Variants in PPP1R14C observed in about 807,000 individuals in gnomAD.
PPP1R14C encodes the protein protein phosphatase 1 regulatory subunit 14C.
A neutral mutation model predicts 20.4 loss-of-function variants in PPP1R14C; 16 were observed. The ratio of observed to expected loss-of-function variants is 0.78; its 90% confidence interval spans 0.53 to 1.19. The LOEUF (loss-of-function observed/expected upper bound fraction) is 1.19. Ranked by LOEUF, PPP1R14C falls within the 50% of genes most tolerant of loss-of-function variation. The pLI, the probability that PPP1R14C is intolerant of heterozygous loss-of-function variation, is 0.00. For missense variants in PPP1R14C, 211 were observed against 220.1 expected (o/e 0.96, Z 0.26); for synonymous variants, 91 against 91.0 (o/e 1.00, Z 0.00).
intron 1 of PPP1R14C, among the ~76,000 whole-genome samples, chr6:150,190,258 T>G (rs993586370): frequency 6.6e-6 from 1 of 152,086 alleles, no homozygotes; most frequent in African/African-American, 2.4e-5. Context: ...TGTCTCCACC[T>G]GAACACTTAG....
intron 1 of PPP1R14C, among the ~76,000 whole-genome samples, chr6:150,175,976 A>G (rs921139778): frequency 1.3e-5 from 2 of 152,228 alleles, no homozygotes; most frequent in African/African-American, 4.8e-5. Context: ...TAAACCGGCC[A>G]CACCTGTCAT....
chr6:150,238,478 C>T (rs1778392531), intron 3 of PPP1R14C, among the ~76,000 whole-genome samples: 1 of 152,256 alleles, frequency 6.6e-6, no homozygotes, highest in Non-Finnish European at 1.5e-5. Flanking sequence ...TCTTTCGAGG[C>T]CTCTCAGAGC....
rs980091394 is a variant in PPP1R14C, at chr6:150,171,340, A to G, written c.306+27842A>G. ...CTCCATTCAGCACACCATTGTACATACCTAATATCTTATAGTTGAGGGATT... is the reference window on the plus strand; with the variant it reads ...CTCCATTCAGCACACCATTGTACATGCCTAATATCTTATAGTTGAGGGATT... On this transcript the variant is annotated intron_variant, in intron 1 of 3. Transcript: ENST00000361131. 5.9e-5 allele frequency among the ~76,000 whole-genome samples: 9 copies of G among 152,298 alleles called. No homozygotes were observed. In the South Asian group the frequency reaches 1.9e-3, roughly 32 times the overall value.
chr6:150,213,346 A>C (rs78841047), intron 1 of PPP1R14C, among the ~76,000 whole-genome samples: 2,120 of 149,480 alleles, frequency 0.014, 152 homozygotes, highest in Admixed American at 0.036. Flanking sequence ...TTTGTGTTGT[A>C]ACACACACAC....
intron 3 of PPP1R14C, among the ~76,000 whole-genome samples, chr6:150,223,305 A>G (rs1299701399): frequency 6.6e-6 from 1 of 152,222 alleles, no homozygotes; most frequent in Non-Finnish European, 1.5e-5. Context: ...AAGCTGCTAT[A>G]AACATTCCTG....
intron 1 of PPP1R14C, among the ~76,000 whole-genome samples, chr6:150,154,586 A>T (rs1203223829): frequency 6.6e-6 from 1 of 152,220 alleles, no homozygotes; most frequent in African/African-American, 2.4e-5. Flanking sequence ...AGAAAGGGTG[A>T]TATTGAAAGC....
At chr6:150,212,850 A>G (rs933313653) in intron 1 of PPP1R14C, among the ~76,000 whole-genome samples, 2 of 152,206 alleles carry the variant, frequency 1.3e-5, no homozygotes, top group Non-Finnish European at 2.9e-5. Flanking sequence ...CCTAGGAGCA[A>G]TATAGGCTGT....
intron 3 of PPP1R14C, among the ~76,000 whole-genome samples, chr6:150,231,104 CTG>C (rs1778289318): frequency 6.6e-6 from 1 of 152,206 alleles, no homozygotes; most frequent in Non-Finnish European, 1.5e-5. Flanking sequence ...AGGGTGGCCA[CTG>C]TGATACCACG....
chr6:150,197,538 T>C (rs562012356), intron 1 of PPP1R14C, among the ~76,000 whole-genome samples: 126 of 152,372 alleles, frequency 8.3e-4, no homozygotes, highest in African/African-American at 2.8e-3. Flanking sequence ...TGCTTTAAGA[T>C]TGGCACATTG....
intron 3 of PPP1R14C, among the ~76,000 whole-genome samples, chr6:150,228,898 T>A (rs1445922741): frequency 6.6e-6 from 1 of 152,164 alleles, no homozygotes; most frequent in Non-Finnish European, 1.5e-5. Context: ...TTTGGGTGCC[T>A]TCTTTCTCTT....
intron 3 of PPP1R14C, among the ~76,000 whole-genome samples, chr6:150,244,904 G>A (rs932132575): frequency 6.6e-6 from 1 of 152,094 alleles, no homozygotes; most frequent in Non-Finnish European, 1.5e-5. Context: ...TTGTATGTAA[G>A]TTGAAAGGCA....
intron 3 of PPP1R14C, among the ~76,000 whole-genome samples, chr6:150,218,295 C>A (rs543109052): frequency 5.9e-5 from 9 of 151,892 alleles, no homozygotes; most frequent in Admixed American, 3.9e-4. Flanking sequence ...CCTAGCTACT[C>A]GGGAGGCTGA....
chr6:150,214,855 T>G, intron 2 of PPP1R14C, 28 bp downstream of exon 2: 1 of 1,502,930 alleles, frequency 6.7e-7, no homozygotes. Flanking sequence ...TTGAGAACCT[T>G]CTAATCATGG....
At chr6:150,170,602 G>T (rs544595763) in intron 1 of PPP1R14C, among the ~76,000 whole-genome samples, 2 of 152,066 alleles carry the variant, frequency 1.3e-5, no homozygotes, top group Non-Finnish European at 2.9e-5. Context: ...AATTACAGGC[G>T]TGAGCCACTG....
chr6:150,234,486 A>G (rs1447291047), intron 3 of PPP1R14C, among the ~76,000 whole-genome samples: 1 of 152,210 alleles, frequency 6.6e-6, no homozygotes. Context: ...AACCCCAAAC[A>G]TTTATCAGCA....
chr6:150,168,759 G>C (rs889491666), intron 1 of PPP1R14C, among the ~76,000 whole-genome samples: 2 of 151,962 alleles, frequency 1.3e-5, no homozygotes, highest in East Asian at 3.8e-4. Context: ...CATGTTTTGA[G>C]TATTTACAAC....
chr6:150,203,095 C>G (rs77092885), intron 1 of PPP1R14C, among the ~76,000 whole-genome samples: 1 of 152,098 alleles, frequency 6.6e-6, no homozygotes, highest in Non-Finnish European at 1.5e-5. Context: ...CCTGTGGGTT[C>G]TGGGGTTGTG....
At chr6:150,193,114 C>T (rs1421932455) in intron 1 of PPP1R14C, among the ~76,000 whole-genome samples, 1 of 152,020 alleles carries the variant, frequency 6.6e-6, no homozygotes, top group Non-Finnish European at 1.5e-5. Flanking sequence ...ATGGGCCAAG[C>T]TTTGATTCAT....
At chr6:150,193,082 G>A (rs895104561) in intron 1 of PPP1R14C, among the ~76,000 whole-genome samples, 3 of 152,020 alleles carry the variant, frequency 2.0e-5, no homozygotes, top group Non-Finnish European at 2.9e-5. Flanking sequence ...ATCATTTTTT[G>A]TATAGGCTGT....
Sources: gnomAD v4.1 joint callset for allele counts (sites outside exome capture counted in the v4.1 genomes callset) on GRCh38, gnomAD v4.1.1 for gene constraint, MANE v1.5 for transcripts, NCBI Gene and HGNC (gene_info 2026-07-23, HGNC 2026-07-21) for gene names.